Variants in SWI5 observed in about 807,000 individuals in gnomAD.
The protein encoded by SWI5 is SWI5 homologous recombination repair protein.
In SWI5, 12 loss-of-function variants were observed where a neutral mutation model predicts 17.0. The ratio of observed to expected loss-of-function variants is 0.71; its 90% CI spans 0.45 to 1.14. The LOEUF (loss-of-function observed/expected upper bound fraction) is 1.14. Ranked by LOEUF, SWI5 falls within the 50% of genes most tolerant of loss-of-function variation. SWI5 has a pLI of 0.00. For missense variants in SWI5, 158 were observed against 162.2 expected (o/e 0.97, Z 0.14); for synonymous variants, 61 against 64.0 (o/e 0.95, Z 0.22).
At position 128,276,692 on chromosome 9, in the gene SWI5, C is replaced by T. The variant is rs745352991; in HGVS notation, c.63-15C>T. On this transcript the variant is annotated splice_polypyrimidine_tract_variant and intron_variant, in intron 1 of 4. Transcript: ENST00000418976. Reference sequence around the variant, plus strand: ...TGTGGGTCCAATCAGACTTTCCCCTCGGATTCCTCTCTAGGACTGAACCAA... The same window carrying T: ...TGTGGGTCCAATCAGACTTTCCCCTTGGATTCCTCTCTAGGACTGAACCAA... The T allele has an allele frequency of 1.2e-6, 2 of 1,614,048 alleles. No homozygotes were observed. Among genetic ancestry groups the T allele is most frequent in the South Asian group, 1.1e-5 (1 of 91,070 alleles).
At chr9:128,288,687 C>A in exon 5 of SWI5, 1 of 1,614,188 alleles carries the variant, frequency 6.2e-7, no homozygotes, top group African/African-American at 1.3e-5. Context: ...AGAGTTGTAT[C>A]CAGAGTTTGG....
chr9:128,276,071 G>A, upstream of SWI5: 10 of 1,576,540 alleles, frequency 6.3e-6, no homozygotes, highest in South Asian at 1.0e-4. Context: ...ATACTGGAGC[G>A]CAGAATGGGG....
exon 5 of SWI5, chr9:128,288,702 G>A (rs369079150): frequency 6.2e-7 from 1 of 1,614,172 alleles, no homozygotes; most frequent in East Asian, 2.2e-5. Flanking sequence ...GTTTGGGCTG[G>A]ACATGAATGA....
chr9:128,279,302 CA>C lies in SWI5; in HGVS notation c.111+2550del, dbSNP rs957111816. On this transcript the variant is annotated intron_variant, in intron 2 of 4. Transcript: ENST00000418976. Reference sequence around the variant, plus strand: ...GATTGTAAGAAATAAAGACACAAGACAAAGAGATAAAGAGAAAACCGCTGGG... The same window carrying C: ...GATTGTAAGAAATAAAGACACAAGACAAGAGATAAAGAGAAAACCGCTGGG... Among the ~76,000 whole-genome samples the C allele has an allele frequency of 2.6e-5, 4 of 152,250 alleles. No homozygotes were observed. The South Asian group carries it at 8.3e-4, about 32-fold the overall frequency.
At chr9:128,276,102 GC>G (rs1388357000), upstream of SWI5, 4 of 1,572,010 alleles carry the variant, frequency 2.5e-6, no homozygotes, top group South Asian at 1.1e-5. Flanking sequence ...AAAGATCAAA[GC>G]CCATTGGTCA....
chr9:128,278,473 A>T (rs898575936), intron 2 of SWI5, among the ~76,000 whole-genome samples: 1 of 151,748 alleles, frequency 6.6e-6, no homozygotes, highest in African/African-American at 2.4e-5. Flanking sequence ...AGACTGAGGC[A>T]GGAGAATCGC....
At chr9:128,275,604 CAA>C, upstream of SWI5, 3 of 895,888 alleles carry the variant, frequency 3.3e-6, no homozygotes, top group Non-Finnish European at 4.7e-6. Flanking sequence ...GACGCCAGCC[CAA>C]AGAGCCCAGG....
At chr9:128,276,094 A>G, upstream of SWI5, 1 of 1,570,030 alleles carries the variant, frequency 6.4e-7, no homozygotes, top group Non-Finnish European at 8.6e-7. Context: ...GTGGCCTCAA[A>G]GATCAAAGCC....
In SWI5 at chr9:128,285,249, G is replaced by A. The variant is rs994363373; in HGVS notation, c.233+618G>A. ...AAAGAAAGGAAGGGAAAGAAGGAAAGGGGGGAAGGAAAGGGAAGGAAGGAA... is the reference window on the plus strand; with the variant it reads ...AAAGAAAGGAAGGGAAAGAAGGAAAAGGGGGAAGGAAAGGGAAGGAAGGAA... On this transcript the variant is annotated intron_variant, in intron 3 of 4. Coordinates refer to ENST00000418976, the Ensembl canonical transcript of SWI5. This position sits in a 1 kb window ranked among gnomAD's most constrained non-coding sequence, Gnocchi z 4.8. Among the ~76,000 whole-genome samples, 1 of 149,836 alleles carries A rather than the reference G, an allele frequency of 6.7e-6. No homozygotes were observed. The highest frequency in any genetic ancestry group is 1.5e-5 in the Non-Finnish European group (1 of 67,556).
rs1414391074 is a variant in SWI5 at position 128,288,631 on chromosome 9, GC to G, written c.329-19del. On this transcript the variant is annotated intron_variant, in intron 4 of 4. Coordinates refer to ENST00000418976, the Ensembl canonical transcript of SWI5. ...CCCACCTCTCCCCACTGCACATTCA[GC>G]CTGCCTTCCTTCCTTTCAGCTGTGA... The G allele has an allele frequency of 6.2e-7, 1 of 1,613,880 alleles. No homozygotes were observed. The highest frequency in any genetic ancestry group is 1.3e-5 in the African/African-American group (1 of 74,912).
chr9:128,277,161 T>C (rs1175632324), intron 2 of SWI5, among the ~76,000 whole-genome samples: 1 of 152,118 alleles, frequency 6.6e-6, no homozygotes, highest in East Asian at 1.9e-4. Context: ...TTGCTAATAG[T>C]CTCTCCTCTT....
At chr9:128,283,812 C>G (rs1274093450) in intron 2 of SWI5, among the ~76,000 whole-genome samples, 1 of 152,274 alleles carries the variant, frequency 6.6e-6, no homozygotes, top group East Asian at 1.9e-4. Flanking sequence ...AAGGCATGCC[C>G]TCTTCCTGGG....
At chr9:128,287,701 G>C (rs1425947899) in intron 4 of SWI5, among the ~76,000 whole-genome samples, 1 of 148,376 alleles carries the variant, frequency 6.7e-6, no homozygotes, top group Non-Finnish European at 1.5e-5. Flanking sequence ...AGCTGGGACT[G>C]CAGGCATCCA....
chr9:128,283,403 A>AG (rs1383115672), intron 2 of SWI5, among the ~76,000 whole-genome samples: 4 of 152,244 alleles, frequency 2.6e-5, no homozygotes, highest in Non-Finnish European at 5.9e-5. Flanking sequence ...AAGCTGAGGC[A>AG]GGAGAATTAC....
In SWI5 at chr9:128,285,497, C is replaced by T. The variant is rs776046881; in HGVS notation, c.234-442C>T. Among the ~76,000 whole-genome samples, 1 of 152,226 alleles carries T rather than the reference C, an allele frequency of 6.6e-6. No homozygotes were observed. Among genetic ancestry groups the T allele is most frequent in the Non-Finnish European group, 1.5e-5 (1 of 68,040 alleles). On this transcript the variant is annotated intron_variant, in intron 3 of 4. Transcript: ENST00000418976. This position sits in a 1 kb window ranked among gnomAD's most constrained non-coding sequence, Gnocchi z 4.8. ...TCCCTCTGCACAGACTCCATTCTCT[C>T]CCTGCAGGTGGAGTTTTCAGTGTGT...
chr9:128,276,041 G>T, upstream of SWI5: 6 of 1,590,228 alleles, frequency 3.8e-6, no homozygotes, highest in East Asian at 1.3e-4. Flanking sequence ...GACGGAGCCA[G>T]AGGAGGCGTA....
At chr9:128,280,137 T>C (rs1174714529) in intron 2 of SWI5, among the ~76,000 whole-genome samples, 1 of 152,192 alleles carries the variant, frequency 6.6e-6, no homozygotes, top group East Asian at 1.9e-4. Flanking sequence ...AAACAGTTTG[T>C]GCCTTCAGTC....
chr9:128,279,725 C>T (rs574864942), intron 2 of SWI5, among the ~76,000 whole-genome samples: 2 of 152,278 alleles, frequency 1.3e-5, no homozygotes, highest in African/African-American at 2.4e-5. Context: ...CGGATGACTG[C>T]GGGCCGGCCT....
At chr9:128,284,761 G>A in intron 3 of SWI5, 130 bp downstream of exon 3, 3 of 1,133,188 alleles carry the variant, frequency 2.6e-6, no homozygotes, top group Non-Finnish European at 1.2e-6. Flanking sequence ...TTTGAGACCA[G>A]CCTGGCCAAC....
Sources: allele counts gnomAD v4.1 joint callset (sites outside exome capture counted in the v4.1 genomes callset), GRCh38; gene constraint gnomAD v4.1.1; non-coding constraint Gnocchi (gnomAD v3.1); transcripts MANE v1.5; gene names NCBI Gene and HGNC (gene_info 2026-07-23, HGNC 2026-07-21).